NMT2: variants seen among roughly 807,000 people sequenced by gnomAD.
NMT2 encodes glycylpeptide N-tetradecanoyltransferase 2.
In NMT2, 35 loss-of-function variants were observed where a neutral mutation model predicts 65.4. The ratio of observed to expected loss-of-function variants is 0.54; its 90% confidence interval spans 0.41 to 0.71. The LOEUF is 0.71. Among genes scored for constraint, NMT2 ranks in the 30% least tolerant of loss-of-function variants. The pLI, the probability that NMT2 is intolerant of heterozygous loss-of-function variation, is 0.00. For missense variants in NMT2, 489 were observed against 611.3 expected (o/e 0.80, Z 2.11); for synonymous variants, 226 against 231.8 (o/e 0.98, Z 0.23).
In NMT2 at chr10:15,137,428, G is replaced by A. The variant is rs1043238272; in HGVS notation, c.247-2010C>T. The stretch of plus-strand genomic sequence containing the variant: ...TACAAATTTAACAAAATACTTTTCC[G>A]GTTCTCATTATTATATCTTTGGATG... On this transcript the variant is annotated intron_variant, in intron 2 of 11. Transcript: ENST00000378165. 4.6e-5 allele frequency among the ~76,000 whole-genome samples: 7 copies of A among 151,844 alleles called. No individual in the cohort carries two copies. In the East Asian group the frequency reaches 7.7e-4, roughly 17 times the overall value.
rs1362125342 is a variant in NMT2, at chr10:15,108,089, T to C, written c.*1106A>G. On this transcript the variant is annotated 3_prime_UTR_variant, in exon 12 of 12. Transcript: ENST00000378165. ...GGCATCTCTTTTGACTTTACAGTTTTTTATTTCCTTTTCTTCATATATCCT... is the reference window on the plus strand; with the variant it reads ...GGCATCTCTTTTGACTTTACAGTTTCTTATTTCCTTTTCTTCATATATCCT... The C allele has an allele frequency of 5.1e-6, 5 of 985,548 alleles. No homozygotes were observed. In the South Asian group the frequency reaches 1.4e-4, roughly 28 times the overall value. The allele number at this position is 985,548 out of a possible 1,614,324, so 61.1% of individuals were successfully genotyped here.
At chr10:15,121,646 T>C (rs1845935267) in intron 8 of NMT2, among the ~76,000 whole-genome samples, 1 of 152,108 alleles carries the variant, frequency 6.6e-6, no homozygotes, top group South Asian at 2.1e-4. Flanking sequence ...GGATTACAGG[T>C]GTGAGCCACC....
At chr10:15,144,492 G>T (rs371806643) in intron 1 of NMT2, among the ~76,000 whole-genome samples, 74 of 152,326 alleles carry the variant, frequency 4.9e-4, no homozygotes, top group African/African-American at 1.6e-3. Context: ...AGCACTTTGG[G>T]AGGCTGAGGC....
intron 1 of NMT2, among the ~76,000 whole-genome samples, chr10:15,142,860 T>C (rs1389153660): frequency 6.6e-6 from 1 of 152,228 alleles, no homozygotes; most frequent in African/African-American, 2.4e-5. Context: ...AGAAATATGC[T>C]GCAGATACGT....
intron 1 of NMT2, among the ~76,000 whole-genome samples, chr10:15,144,273 G>A (rs1846880178): frequency 1.3e-5 from 2 of 152,268 alleles, no homozygotes; most frequent in Non-Finnish European, 1.5e-5. Context: ...CAAACTCCCA[G>A]ACATATCTGA....
chr10:15,153,806 C>G (rs996027392), intron 1 of NMT2, among the ~76,000 whole-genome samples: 1 of 151,560 alleles, frequency 6.6e-6, no homozygotes. Flanking sequence ...CCCGCCACCA[C>G]GCCCGGCTAA....
At chr10:15,148,987 T>A (rs949037712) in intron 1 of NMT2, among the ~76,000 whole-genome samples, 1 of 152,210 alleles carries the variant, frequency 6.6e-6, no homozygotes, top group African/African-American at 2.4e-5. Context: ...AACACTCACA[T>A]GCTGTTGGTA....
Position 15,130,291 on chromosome 10 carries a change from G to A in NMT2, c.741C>T (p.Ile247=). ...IYDSVKKMVE[I]NFLCVHKKLR... ...ACTTCTTATGAACACAAAGAAAGTT[G>A]ATTTCTACCATCTTCTTCACACTAA... Residue 247 remains isoleucine (I), a synonymous_variant, in exon 7 of 12, where the codon ATC becomes ATT. Coordinates refer to ENST00000378165, the MANE Select transcript of NMT2 (RefSeq NM_004808.3). 6.3e-7 allele frequency: 1 copy of A among 1,594,444 alleles called. No homozygotes were observed. Among genetic ancestry groups the A allele is most frequent in the Non-Finnish European group, 8.6e-7 (1 of 1,169,586 alleles).
intron 1 of NMT2, among the ~76,000 whole-genome samples, chr10:15,149,400 TCAC>T (rs368714183): frequency 0.083 from 2 of 24 alleles, no homozygotes; most frequent in South Asian, 0.25. Flanking sequence ...ACCATTGCCA[TCAC>T]CACCATCACT....
chr10:15,106,700 T>C lies in NMT2; in HGVS notation c.*2495A>G, dbSNP rs1845314697. The C allele has an allele frequency of 1.2e-5, 12 of 970,146 alleles. No individual in the cohort carries two copies. The highest frequency in any genetic ancestry group is 1.5e-5 in the Non-Finnish European group (12 of 816,004). 60.1% of individuals were successfully genotyped at this position (970,146 alleles called of 1,614,324 possible). On this transcript the variant is annotated 3_prime_UTR_variant, in exon 12 of 12. Transcript: ENST00000378165. ...TAGTGACCAAGGTCAACAAACTTTCTGTAAAAGACCAGAGAGTGAATATCT... is the reference window on the plus strand; with the variant it reads ...TAGTGACCAAGGTCAACAAACTTTCCGTAAAAGACCAGAGAGTGAATATCT...
Position 15,107,537 on chromosome 10 carries a change from C to T in NMT2, c.*1658G>A, listed in dbSNP as rs1845345902. 7 of 736,468 alleles carry T rather than the reference C, an allele frequency of 9.5e-6. No homozygotes were observed. The South Asian group carries it at 3.7e-4, about 39-fold the overall frequency. 45.6% of individuals were successfully genotyped at this position (736,468 alleles called of 1,614,324 possible). ...GCACGATCTTGGCTCACTGCAACTT[C>T]CGCCTCCTGGGTTCAAGTGATTCTC... On this transcript the variant is annotated 3_prime_UTR_variant, in exon 12 of 12. Coordinates refer to ENST00000378165, the MANE Select transcript of NMT2 (RefSeq NM_004808.3).
At position 15,117,391 on chromosome 10, in the gene NMT2, C is replaced by T. The variant is rs1305767681; in HGVS notation, c.1170+1952G>A. Among the ~76,000 whole-genome samples, 5 of 152,266 alleles carry T rather than the reference C, an allele frequency of 3.3e-5. No homozygotes were observed. The East Asian group carries it at 9.6e-4, about 29-fold the overall frequency. ...GCAAGTTAGAAATAGAGGAGAATGA[C>T]CTCAAATTGATTAGGAGCACCCACA... On this transcript the variant is annotated intron_variant, in intron 9 of 11. Transcript: ENST00000378165.
intron 9 of NMT2, 23 bp downstream of exon 9, chr10:15,119,320 T>C: frequency 1.2e-6 from 2 of 1,610,212 alleles, no homozygotes; most frequent in Non-Finnish European, 1.7e-6. Context: ...GGAGAAGCTT[T>C]ATGTTTATCA....
Position 15,106,284 on chromosome 10 carries a change from C to T in NMT2, c.*2911G>A, listed in dbSNP as rs2006983. 0.028 allele frequency: 4,409 copies of T among 156,304 alleles called. 89 individuals carry two copies. The highest frequency in any genetic ancestry group is 0.054 in the African/African-American group (2,244 of 41,560). The allele number at this position is 156,304 out of a possible 1,614,324, so 9.7% of individuals were successfully genotyped here. The stretch of plus-strand genomic sequence containing the variant: ...TGCAGGGATTACAGGTGTGAGCCAC[C>T]GTGCCTGGCTGATTCTGCAATTATT... On this transcript the variant is annotated 3_prime_UTR_variant, in exon 12 of 12. Coordinates refer to ENST00000378165, the MANE Select transcript of NMT2 (RefSeq NM_004808.3).
At position 15,141,485 on chromosome 10, in the gene NMT2, G is replaced by A. The variant is rs1051536333; in HGVS notation, c.183C>T (p.Ser61=). 18 of 1,614,180 alleles carry A rather than the reference G, an allele frequency of 1.1e-5. No individual in the cohort carries two copies. The highest frequency in any genetic ancestry group is 1.6e-4 in the Middle Eastern group (1 of 6,062). Residue 61 remains serine, a synonymous_variant, in exon 2 of 12, where the codon TCC becomes TCT. Coordinates refer to ENST00000378165, the MANE Select transcript of NMT2 (RefSeq NM_004808.3). The part of the protein sequence containing the change: ...KQKRKKEKPN[S]GGTKSDSASD... ...ATGCCGAGTCTGACTTGGTGCCTCCGGAATTTGGTTTCTCCTTTTTTCTCT... is the reference window on the plus strand; with the variant it reads ...ATGCCGAGTCTGACTTGGTGCCTCCAGAATTTGGTTTCTCCTTTTTTCTCT...
chr10:15,111,398 C>T (rs1845510191), intron 10 of NMT2, among the ~76,000 whole-genome samples: 1 of 150,246 alleles, frequency 6.7e-6, no homozygotes, highest in Non-Finnish European at 1.5e-5. Context: ...ATAGTCCCAG[C>T]TACTCTGGAG....
intron 1 of NMT2, 26 bp downstream of exon 1, chr10:15,168,477 C>A (rs1259450670): frequency 3.2e-6 from 5 of 1,549,782 alleles, no homozygotes; most frequent in East Asian, 4.9e-5. Context: ...CCTGTCGCGC[C>A]CGGTGCGCCA....
At chr10:15,111,318 C>T (rs928202085) in intron 10 of NMT2, among the ~76,000 whole-genome samples, 15 of 151,104 alleles carry the variant, frequency 9.9e-5, no homozygotes, top group Non-Finnish European at 1.9e-4. Context: ...CGAGACCAGC[C>T]GGGTCAATAT....
chr10:15,152,476 A>C (rs1832838967), intron 1 of NMT2, among the ~76,000 whole-genome samples: 1 of 152,222 alleles, frequency 6.6e-6, no homozygotes, highest in Non-Finnish European at 1.5e-5. Context: ...GCCAAAACGT[A>C]TCTTTTCCCC....
Sources: gnomAD v4.1 joint callset for allele counts (sites outside exome capture counted in the v4.1 genomes callset) on GRCh38, gnomAD v4.1.1 for gene constraint, MANE v1.5 for transcripts, NCBI Gene and HGNC (gene_info 2026-07-23, HGNC 2026-07-21) for gene names.